ORC5: variants seen among roughly 807,000 people sequenced by gnomAD.
The protein encoded by ORC5 is origin recognition complex subunit 5.
Under a neutral mutation model 58.8 loss-of-function variants are expected in ORC5, and 39 were observed. The ratio of observed to expected loss-of-function variants is 0.66; its 90% CI spans 0.51 to 0.87. The LOEUF is 0.87. ORC5 is among the 40% of genes least tolerant of loss of function. ORC5 has a pLI of 0.00. For synonymous variants in ORC5, 218 were observed against 177.6 expected (o/e 1.23, Z -1.81); for missense variants, 493 against 506.3 (o/e 0.97, Z 0.25).
chr7:104,194,987 A>AATACTT (rs1339218272), intron 5 of ORC5, among the ~76,000 whole-genome samples, 156 bp downstream of exon 5: 36 of 122,930 alleles, frequency 2.9e-4, no homozygotes, highest in African/African-American at 1.5e-3. Context: ...CCATTTCAAT[A>AATACTT]TCAAATTCCC....
At chr7:104,157,696 A>C (rs915703582) in intron 12 of ORC5, among the ~76,000 whole-genome samples, 4 of 152,102 alleles carry the variant, frequency 2.6e-5, no homozygotes, top group Non-Finnish European at 4.4e-5. Context: ...TTTTCCCCAG[A>C]GGATAAAATT....
intron 4 of ORC5, among the ~76,000 whole-genome samples, chr7:104,195,734 T>C (rs1306330730): frequency 2.0e-5 from 3 of 152,192 alleles, no homozygotes; most frequent in Non-Finnish European, 4.4e-5. Context: ...AGGGGTAAAA[T>C]AGCATGCCCT....
chr7:104,137,704 T>C (rs1162222412), intron 12 of ORC5, among the ~76,000 whole-genome samples: 2 of 151,746 alleles, frequency 1.3e-5, no homozygotes, highest in African/African-American at 4.8e-5. Context: ...CCACCTACGG[T>C]GGGACAACAC....
At chr7:104,151,463 C>G (rs191051753) in intron 12 of ORC5, among the ~76,000 whole-genome samples, 1 of 152,026 alleles carries the variant, frequency 6.6e-6, no homozygotes, top group Non-Finnish European at 1.5e-5. Flanking sequence ...GAAAATGAGA[C>G]GGTTCAGAGA....
intron 1 of ORC5, among the ~76,000 whole-genome samples, chr7:104,204,851 G>A (rs10275259): frequency 0.26 from 38,900 of 151,972 alleles, 5,271 homozygotes; most frequent in African/African-American, 0.34. Context: ...AGTACATTAG[G>A]TTAGCAGCTT....
At chr7:104,183,787 CAG>C (rs1489191049) in intron 8 of ORC5, among the ~76,000 whole-genome samples, 154 bp downstream of exon 8, 1 of 152,204 alleles carries the variant, frequency 6.6e-6, no homozygotes. Flanking sequence ...CCTGAAGATG[CAG>C]AGTTTACTAC....
chr7:104,179,896 CT>C (rs1799400287), intron 8 of ORC5, among the ~76,000 whole-genome samples: 1 of 152,184 alleles, frequency 6.6e-6, no homozygotes, highest in African/African-American at 2.4e-5. Flanking sequence ...ATAACTCTCT[CT>C]TTTAACTTTT....
At chr7:104,132,291 A>G (rs1011774381) in intron 13 of ORC5, among the ~76,000 whole-genome samples, 1 of 152,150 alleles carries the variant, frequency 6.6e-6, no homozygotes, top group Non-Finnish European at 1.5e-5. Context: ...ACATGCACTT[A>G]AGCTTACATC....
intron 12 of ORC5, among the ~76,000 whole-genome samples, chr7:104,148,986 A>C (rs1798803554): frequency 6.6e-6 from 1 of 151,224 alleles, no homozygotes. Context: ...GTGAGCAGAG[A>C]CTGTGCCACT....
intron 4 of ORC5, 38 bp downstream of exon 4, chr7:104,197,687 T>C (rs1258126037): frequency 2.9e-6 from 4 of 1,357,482 alleles, no homozygotes; most frequent in Non-Finnish European, 4.1e-6. Flanking sequence ...ATCCATTGAT[T>C]AAGTTGTGGG....
intron 8 of ORC5, among the ~76,000 whole-genome samples, chr7:104,176,961 T>C (rs1799334788): frequency 6.6e-6 from 1 of 152,184 alleles, no homozygotes; most frequent in African/African-American, 2.4e-5. Flanking sequence ...GTGTAACTCT[T>C]TGATAAATAA....
At chr7:104,207,764 A>T in intron 1 of ORC5, 69 bp downstream of exon 1, 3 of 1,471,022 alleles carry the variant, frequency 2.0e-6, no homozygotes, top group Non-Finnish European at 2.9e-6. Flanking sequence ...AAAAACAAAT[A>T]TTGGAACAGG....
chr7:104,189,350 A>G (rs1170365604), intron 5 of ORC5, among the ~76,000 whole-genome samples: 1 of 152,132 alleles, frequency 6.6e-6, no homozygotes, highest in East Asian at 1.9e-4. Flanking sequence ...TAAAACCAAC[A>G]GCTTTCGTGA....
At chr7:104,145,812 G>T (rs1395857397) in intron 12 of ORC5, among the ~76,000 whole-genome samples, 2 of 152,112 alleles carry the variant, frequency 1.3e-5, no homozygotes, top group African/African-American at 4.8e-5. Flanking sequence ...AGAGCGAAAG[G>T]TGAACCAAGC....
chr7:104,183,028 G>C (rs1456508257), intron 8 of ORC5, among the ~76,000 whole-genome samples: 2 of 152,202 alleles, frequency 1.3e-5, no homozygotes, highest in Admixed American at 6.5e-5. Flanking sequence ...CCAGCTACTC[G>C]AGGGGCTGAG....
At chr7:104,161,470 ATCC>A (rs531065507) in intron 11 of ORC5, among the ~76,000 whole-genome samples, 194 of 152,268 alleles carry the variant, frequency 1.3e-3, no homozygotes, top group African/African-American at 4.3e-3. Flanking sequence ...GGCTCAAGCC[ATCC>A]TCCTATGTCA....
intron 5 of ORC5, among the ~76,000 whole-genome samples, chr7:104,194,124 T>C (rs1031117213): frequency 3.5e-5 from 5 of 142,036 alleles, no homozygotes; most frequent in African/African-American, 1.3e-4. Flanking sequence ...TTAAATAAAA[T>C]CCTTTATCAC....
chr7:104,172,965 C>T (rs1382333755), intron 8 of ORC5, among the ~76,000 whole-genome samples: 2 of 147,484 alleles, frequency 1.4e-5, no homozygotes, highest in Admixed American at 6.8e-5. Context: ...TACTGACTTT[C>T]CTATAGCTTT....
intron 10 of ORC5, chr7:104,165,674 A>C (rs755586697): frequency 5.9e-4 from 107 of 182,008 alleles, no homozygotes; most frequent in Non-Finnish European, 7.2e-4. Flanking sequence ...ATTTTAGTTA[A>C]GCACAGTTCA....
Sources: gnomAD v4.1 joint callset for allele counts (sites outside exome capture counted in the v4.1 genomes callset) on GRCh38, gnomAD v4.1.1 for gene constraint, MANE v1.5 for transcripts, NCBI Gene and HGNC (gene_info 2026-07-23, HGNC 2026-07-21) for gene names.